The following MSRA variants were observed in gnomAD, a reference collection of about 807,000 sequenced individuals.
MSRA encodes methionine sulfoxide reductase A.
A neutral mutation model predicts 31.3 loss-of-function variants in MSRA; 54 were observed. The observed-to-expected ratio is 1.73, with a 90% CI of 1.39 to 2.17. The LOEUF is 2.17. MSRA is among the 30% of genes most tolerant of loss of function. The pLI is 0.00. For missense variants in MSRA, 507 were observed against 300.9 expected (o/e 1.69, Z -5.07); for synonymous variants, 169 against 116.5 (o/e 1.45, Z -2.90).
At chr8:10,090,386 G>C (rs976554397) in intron 1 of MSRA, among the ~76,000 whole-genome samples, 4 of 152,208 alleles carry the variant, frequency 2.6e-5, no homozygotes, top group African/African-American at 9.6e-5. Context: ...TAGCTGGGCA[G>C]ATTCCTGAAG....
chr8:10,312,679 A>G (rs946471800), intron 4 of MSRA, among the ~76,000 whole-genome samples: 3 of 152,222 alleles, frequency 2.0e-5, no homozygotes, highest in Admixed American at 2.0e-4. Context: ...ATTTAATAGT[A>G]TATAAGAAAA....
At chr8:10,215,691 C>G (rs1319060009) in intron 2 of MSRA, among the ~76,000 whole-genome samples, 1 of 152,178 alleles carries the variant, frequency 6.6e-6, no homozygotes, top group Admixed American at 6.5e-5. Context: ...CACCATGTGT[C>G]CAAGTGAGAC....
chr8:10,067,130 G>A (rs1326229149), intron 1 of MSRA, among the ~76,000 whole-genome samples: 2 of 152,062 alleles, frequency 1.3e-5, no homozygotes, highest in Non-Finnish European at 2.9e-5. Flanking sequence ...AGAACAGAAT[G>A]CCTTCACTGC....
Position 10,230,134 on chromosome 8 carries a change from T to C in MSRA, c.212-14970T>C, listed in dbSNP as rs1418222463. 2.0e-5 allele frequency among the ~76,000 whole-genome samples: 3 copies of C among 152,216 alleles called. No homozygotes were observed. The East Asian group carries it at 5.8e-4, about 29-fold the overall frequency. ...TGCTGTGCTATGTGACAGAATACAGTGTCCAGGGAGGTGGGCCCCATGTTC... is the reference window on the plus strand; with the variant it reads ...TGCTGTGCTATGTGACAGAATACAGCGTCCAGGGAGGTGGGCCCCATGTTC... On this transcript the variant is annotated intron_variant, in intron 2 of 5. Transcript: ENST00000317173.
chr8:10,285,211 C>G (rs942416522), intron 3 of MSRA, among the ~76,000 whole-genome samples: 6 of 152,194 alleles, frequency 3.9e-5, no homozygotes, highest in African/African-American at 1.4e-4. Flanking sequence ...AATTCTGCAT[C>G]CGCCTTCTCC....
rs575945591 is a variant in MSRA at position 10,249,281 on chromosome 8, C to A, written c.331+4058C>A. ...TTATTTAGAATTCAATAAAATGCCT[C>A]TCTGAGATATATATCTCAGTCTATT... On this transcript the variant is annotated intron_variant, in intron 3 of 5. Coordinates refer to ENST00000317173, the MANE Select transcript of MSRA (RefSeq NM_012331.5). Among the ~76,000 whole-genome samples the A allele has an allele frequency of 1.9e-4, 29 of 152,334 alleles. No homozygotes were observed. In the East Asian group the frequency reaches 5.0e-3, roughly 26 times the overall value.
intron 5 of MSRA, among the ~76,000 whole-genome samples, chr8:10,366,288 C>T (rs1283491212): frequency 6.6e-6 from 1 of 152,212 alleles, no homozygotes; most frequent in Non-Finnish European, 1.5e-5. Flanking sequence ...AAGCAGAGGG[C>T]TCTGAATTTA....
intron 3 of MSRA, among the ~76,000 whole-genome samples, chr8:10,254,076 G>A (rs1269143066): frequency 3.3e-5 from 5 of 152,036 alleles, no homozygotes; most frequent in Admixed American, 6.5e-5. Context: ...ACAAACCACC[G>A]AGGCCCCTCA....
chr8:10,221,436 G>GTATATATATATA (rs201045996), intron 2 of MSRA, among the ~76,000 whole-genome samples: 1 of 138,870 alleles, frequency 7.2e-6, no homozygotes, highest in African/African-American at 2.5e-5. Flanking sequence ...GTATATATGT[G>GTATATATATATA]TATATATACA....
intron 5 of MSRA, among the ~76,000 whole-genome samples, chr8:10,342,955 A>G (rs1258639166): frequency 6.6e-6 from 1 of 152,084 alleles, no homozygotes; most frequent in Non-Finnish European, 1.5e-5. Flanking sequence ...TAGCTGCTTC[A>G]TAGGCTTGCT....
At chr8:10,204,755 A>G (rs1285793134) in intron 1 of MSRA, among the ~76,000 whole-genome samples, 5 of 152,256 alleles carry the variant, frequency 3.3e-5, no homozygotes, top group Non-Finnish European at 7.3e-5. Flanking sequence ...GTTATCTTTC[A>G]TAATGGCTAA....
At chr8:10,359,805 C>T (rs1804736721) in intron 5 of MSRA, among the ~76,000 whole-genome samples, 1 of 152,124 alleles carries the variant, frequency 6.6e-6, no homozygotes, top group African/African-American at 2.4e-5. Context: ...GCAAAGTTTG[C>T]CTTTTCTCGT....
chr8:10,096,778 T>G (rs1264770616), intron 1 of MSRA, among the ~76,000 whole-genome samples: 3 of 152,216 alleles, frequency 2.0e-5, no homozygotes, highest in African/African-American at 7.2e-5. Flanking sequence ...TTCTTAAAAA[T>G]CAGCATTATT....
intron 1 of MSRA, among the ~76,000 whole-genome samples, chr8:10,114,586 A>C (rs1401462792): frequency 6.6e-6 from 1 of 152,206 alleles, no homozygotes; most frequent in Non-Finnish European, 1.5e-5. Context: ...TTGAAGATGC[A>C]CTTAGATTGA....
chr8:10,299,368 T>A (rs115466130), intron 3 of MSRA, among the ~76,000 whole-genome samples: 15,380 of 152,142 alleles, frequency 0.1, 857 homozygotes, highest in South Asian at 0.16. Context: ...TTTAAACATT[T>A]CAAATTACAA....
intron 5 of MSRA, among the ~76,000 whole-genome samples, chr8:10,359,279 C>G (rs1804700114): frequency 6.6e-6 from 1 of 152,144 alleles, no homozygotes; most frequent in East Asian, 1.9e-4. Context: ...TCCTTCTTAC[C>G]TTTTTTCTTT....
At chr8:10,142,963 A>G (rs1055095577) in intron 1 of MSRA, among the ~76,000 whole-genome samples, 4 of 152,104 alleles carry the variant, frequency 2.6e-5, no homozygotes, top group Admixed American at 6.6e-5. Context: ...TCCTTTTCCC[A>G]GTTCCCACCC....
intron 1 of MSRA, among the ~76,000 whole-genome samples, chr8:10,115,879 A>G (rs1800641496): frequency 6.6e-6 from 1 of 152,254 alleles, no homozygotes. Context: ...ACAAAAATGT[A>G]AACACTATCC....
intron 3 of MSRA, among the ~76,000 whole-genome samples, chr8:10,276,856 A>G (rs954021732): frequency 3.9e-5 from 6 of 152,162 alleles, no homozygotes; most frequent in African/African-American, 1.2e-4. Context: ...CATATGATTT[A>G]TCGTTCCCTT....
Sources: gnomAD v4.1 joint callset for allele counts (sites outside exome capture counted in the v4.1 genomes callset) on GRCh38, gnomAD v4.1.1 for gene constraint, MANE v1.5 for transcripts, NCBI Gene and HGNC (gene_info 2026-07-23, HGNC 2026-07-21) for gene names.